ARHGAP32: variants seen among roughly 807,000 people sequenced by gnomAD.
ARHGAP32 encodes rho GTPase-activating protein 32.
A neutral mutation model predicts 186.5 loss-of-function variants in ARHGAP32; 51 were observed. That is an observed-to-expected ratio of 0.27 (90% CI 0.22 to 0.35). The LOEUF (loss-of-function observed/expected upper bound fraction) is 0.35, where lower values mean the gene tolerates loss of function less well. Ranked by LOEUF, ARHGAP32 falls within the 10% of genes least tolerant of loss-of-function variation. The pLI, the probability that ARHGAP32 is intolerant of heterozygous loss-of-function variation, is 1.00. For missense variants in ARHGAP32, 2,186 were observed against 2,623.5 expected (o/e 0.83, Z 3.64); for synonymous variants, 950 against 964.3 (o/e 0.99, Z 0.27).
chr11:129,155,382 TG>T (rs1235710696), intron 2 of ARHGAP32, among the ~76,000 whole-genome samples: 1 of 152,254 alleles, frequency 6.6e-6, no homozygotes, highest in African/African-American at 2.4e-5. Context: ...TCTATTATTT[TG>T]TTATCAAATT....
intron 20 of ARHGAP32, among the ~76,000 whole-genome samples, chr11:128,976,067 A>C (rs945632788): frequency 8.0e-6 from 1 of 125,720 alleles, no homozygotes; most frequent in Non-Finnish European, 1.7e-5. Flanking sequence ...ACAAAGCGAG[A>C]CTCTGTCTAA....
chr11:129,047,709 C>G (rs538429247), intron 10 of ARHGAP32, among the ~76,000 whole-genome samples: 18 of 152,082 alleles, frequency 1.2e-4, no homozygotes, highest in African/African-American at 3.4e-4. Context: ...TCCCCACTCC[C>G]GAAACATGCT....
chr11:129,034,755 A>G (rs147595744), intron 11 of ARHGAP32, among the ~76,000 whole-genome samples: 3,246 of 150,192 alleles, frequency 0.022, 67 homozygotes, highest in Non-Finnish European at 0.03. Context: ...GAGAGAGAGA[A>G]AAAAAGAAAA....
At chr11:129,065,576 G>C (rs1187527783) in intron 7 of ARHGAP32, among the ~76,000 whole-genome samples, 2 of 152,026 alleles carry the variant, frequency 1.3e-5, no homozygotes, top group Non-Finnish European at 2.9e-5. Context: ...AGCAGAAATG[G>C]GAAATGCAGA....
At chr11:129,276,580 A>G (rs1945534540) in intron 1 of ARHGAP32, among the ~76,000 whole-genome samples, 1 of 152,212 alleles carries the variant, frequency 6.6e-6, no homozygotes, top group Admixed American at 6.5e-5. Flanking sequence ...GCATTTGATT[A>G]GAGGTGTAAG....
intron 5 of ARHGAP32, among the ~76,000 whole-genome samples, chr11:129,116,674 G>T (rs1408809966): frequency 6.6e-6 from 1 of 151,946 alleles, no homozygotes; most frequent in East Asian, 1.9e-4. Flanking sequence ...TTAACAAAAT[G>T]GGGAGAGATA....
chr11:129,279,161 C>G (rs1945576925), exon 1 of ARHGAP32: 1 of 146,302 alleles, frequency 6.8e-6, no homozygotes, highest in Non-Finnish European at 1.5e-5. Flanking sequence ...CCCGCGGCCC[C>G]GCCGCGCCGC....
At chr11:129,117,299 G>C (rs1315235992) in intron 5 of ARHGAP32, among the ~76,000 whole-genome samples, 1 of 152,008 alleles carries the variant, frequency 6.6e-6, no homozygotes, top group Non-Finnish European at 1.5e-5. Flanking sequence ...AATTGTTGTG[G>C]AGCGTAATTG....
intron 1 of ARHGAP32, among the ~76,000 whole-genome samples, chr11:129,212,430 A>G (rs1259480702): frequency 1.3e-5 from 2 of 152,192 alleles, no homozygotes; most frequent in African/African-American, 4.8e-5. Flanking sequence ...CAGCTCTGTC[A>G]ATCTGAAAGA....
chr11:129,193,497 A>ATATATATAT (rs780175573), upstream of ARHGAP32, among the ~76,000 whole-genome samples: 1 of 79,940 alleles, frequency 1.3e-5, no homozygotes, highest in African/African-American at 5.1e-5. Context: ...AAAAAAAAAA[A>ATATATATAT]AAATATATAT....
intron 6 of ARHGAP32, among the ~76,000 whole-genome samples, chr11:129,072,665 A>G (rs899423075): frequency 1.3e-5 from 2 of 152,204 alleles, no homozygotes; most frequent in African/African-American, 4.8e-5. Context: ...AACTTAATCT[A>G]TAATTGATAA....
At chr11:129,141,323 G>C (rs888902556) in intron 2 of ARHGAP32, among the ~76,000 whole-genome samples, 4 of 150,700 alleles carry the variant, frequency 2.7e-5, no homozygotes, top group Non-Finnish European at 5.9e-5. Flanking sequence ...CCTTTGTAGC[G>C]ACATGGATGA....
chr11:129,126,398 T>C (rs1005937066), intron 2 of ARHGAP32, among the ~76,000 whole-genome samples: 4 of 152,256 alleles, frequency 2.6e-5, no homozygotes, highest in Admixed American at 1.3e-4. Flanking sequence ...AAATAAGTTA[T>C]CATTCAGTTT....
chr11:129,264,307 G>C (rs1015975367), intron 1 of ARHGAP32, among the ~76,000 whole-genome samples: 1 of 152,130 alleles, frequency 6.6e-6, no homozygotes, highest in African/African-American at 2.4e-5. Flanking sequence ...ACATTCTGGA[G>C]ATCTATTGCA....
intron 10 of ARHGAP32, among the ~76,000 whole-genome samples, chr11:129,042,050 TATTTCA>T (rs745488025): frequency 2.6e-5 from 4 of 152,226 alleles, no homozygotes; most frequent in Non-Finnish European, 5.9e-5. Flanking sequence ...GCTACATTCT[TATTTCA>T]ATTTCTAGAT....
At chr11:129,082,621 T>C (rs1434516507) in intron 6 of ARHGAP32, among the ~76,000 whole-genome samples, 1 of 151,982 alleles carries the variant, frequency 6.6e-6, no homozygotes, top group Non-Finnish European at 1.5e-5. Context: ...AAGACTGAAA[T>C]CTAAGACCTG....
chr11:129,170,317 C>T lies in ARHGAP32; in HGVS notation c.117-5890G>A, dbSNP rs1475172873. On this transcript the variant is annotated intron_variant, in intron 1 of 22. Transcript: ENST00000682385. ...ATCTATTGACTCGTCCTCTACTTTC[C>T]GTCCCCTCCCCTCACCCTCCACCCC... 2.0e-5 allele frequency among the ~76,000 whole-genome samples: 3 copies of T among 151,776 alleles called. No individual in the cohort carries two copies. In the East Asian group the frequency reaches 5.8e-4, roughly 29 times the overall value.
chr11:128,968,309 G>C lies in ARHGAP32; in HGVS notation c.*598C>G, dbSNP rs913630070. 2.0e-5 allele frequency: 3 copies of C among 152,136 alleles called. No homozygotes were observed. Among genetic ancestry groups the C allele is most frequent in the Non-Finnish European group, 4.4e-5 (3 of 68,026 alleles). 9.4% of individuals were successfully genotyped at this position (152,136 alleles called of 1,614,324 possible). ...GACTCTACCAAATGTTTAATTTAAA[G>C]TCTTAATTTCTTATTTTTAATTATA... is the stretch of plus-strand genomic sequence containing the variant. On this transcript the variant is annotated 3_prime_UTR_variant, in exon 23 of 23. Coordinates refer to ENST00000682385, the MANE Select transcript of ARHGAP32 (RefSeq NM_001378024.1).
chr11:129,086,873 C>T (rs931010242), intron 6 of ARHGAP32, among the ~76,000 whole-genome samples: 5 of 148,852 alleles, frequency 3.4e-5, no homozygotes, highest in African/African-American at 1.2e-4. Flanking sequence ...CCAAAATACA[C>T]AAAGTATTCA....
Sources: allele counts gnomAD v4.1 joint callset (sites outside exome capture counted in the v4.1 genomes callset), GRCh38; gene constraint gnomAD v4.1.1; transcripts MANE v1.5; gene names NCBI Gene and HGNC (gene_info 2026-07-23, HGNC 2026-07-21).